HDDC3: variants seen among roughly 807,000 people sequenced by gnomAD.
HDDC3 encodes HD domain containing 3, also known as guanosine-3',5'-bis(diphosphate) 3'-pyrophosphohydrolase MESH1.
In HDDC3, 18 loss-of-function variants were observed where a neutral mutation model predicts 19.1. The observed-to-expected ratio is 0.94, with a 90% confidence interval of 0.65 to 1.40. HDDC3 has a LOEUF of 1.40. Among genes scored for constraint, HDDC3 ranks in the 40% most tolerant of loss-of-function variants. The pLI is 0.00. For synonymous variants in HDDC3, 107 were observed against 99.4 expected (o/e 1.08, Z -0.46); for missense variants, 250 against 228.9 (o/e 1.09, Z -0.59).
rs1488024232 is a variant in HDDC3, at chr15:90,931,775, G to A, written c.338C>T (p.Pro113Leu). The change falls in exon 3 of 4, where the codon CCC becomes CTC. Residue 113 changes from proline to leucine, a missense_variant. Coordinates refer to ENST00000394272, the MANE Select transcript of HDDC3 (RefSeq NM_001286451.2). Reference protein sequence around the residue: ...LQVEQAPHSSPGAKLVKLADK... With the variant: ...LQVEQAPHSSLGAKLVKLADK... Reference sequence around the variant, plus strand: ...TGCCAGCTTCACCAGTTTGGCCCCGGGGCTACTGTGGGGCGCTTGCTCCAC... The same window carrying A: ...TGCCAGCTTCACCAGTTTGGCCCCGAGGCTACTGTGGGGCGCTTGCTCCAC... The A allele has an allele frequency of 8.1e-6, 13 of 1,614,088 alleles. No individual in the cohort carries two copies. Among genetic ancestry groups the A allele is most frequent in the Non-Finnish European group, 1.1e-5 (13 of 1,180,024 alleles).
rs1037706296 is a variant in HDDC3, at chr15:90,930,261, G to T, written c.*1014C>A. 1.3e-5 allele frequency: 2 copies of T among 152,228 alleles called. No homozygotes were observed. The highest frequency in any genetic ancestry group is 4.8e-5 in the African/African-American group (2 of 41,470). The allele number at this position is 152,228 out of a possible 1,614,324, so 9.4% of individuals were successfully genotyped here. A position where few individuals can be genotyped will look rare whatever the true frequency, so the allele number is the denominator to read the frequency against. On this transcript the variant is annotated 3_prime_UTR_variant, in exon 4 of 4. Coordinates refer to ENST00000394272, the MANE Select transcript of HDDC3 (RefSeq NM_001286451.2). Reference sequence around the variant, plus strand: ...AGTTTCCCGCGCGGCTTGAGGTACTGGGGAACCGGAATCCCCCACCGGCCC... The same window carrying T: ...AGTTTCCCGCGCGGCTTGAGGTACTTGGGAACCGGAATCCCCCACCGGCCC...
rs2035757321 is a variant in HDDC3, at chr15:90,930,629, A to T, written c.*646T>A. 1 of 152,838 alleles carries T rather than the reference A, an allele frequency of 6.5e-6. No individual in the cohort carries two copies. The highest frequency in any genetic ancestry group is 2.0e-4 in the South Asian group (1 of 4,954). The allele number at this position is 152,838 out of a possible 1,614,324, so 9.5% of individuals were successfully genotyped here. ...AGTGATCCGCCCGCCTCGGTCTCCC[A>T]GAGTGCTGGGATTACAGGCGAGAGA... On this transcript the variant is annotated 3_prime_UTR_variant, in exon 4 of 4. Transcript: ENST00000394272.
rs1408249744 is a variant in HDDC3 at position 90,931,399 on chromosome 15, G to C, written c.416C>G (p.Ser139Ter). Reference sequence around the variant, plus strand: ...GAAGTATTCCTGGACTCGATGTTCTGACCATCCTGCATAAGAGTCGACAGA... The same window carrying C: ...GAAGTATTCCTGGACTCGATGTTCTCACCATCCTGCATAAGAGTCGACAGA... ...DLNRCTPEGW[S>*]EHRVQEYFEW... Residue 139 changes from serine to a stop codon, truncating the protein, a stop_gained, in exon 4 of 4, where the codon TCA becomes TGA. Transcript: ENST00000394272. LOFTEE classifies it high-confidence loss of function. 1.9e-6 allele frequency: 3 copies of C among 1,580,088 alleles called. No individual in the cohort carries two copies. In the Admixed American group the frequency reaches 5.5e-5, roughly 29 times the overall value.
Position 90,932,474 on chromosome 15 carries a change from G to T in HDDC3, c.67C>A (p.Arg23=). 7.6e-7 allele frequency: 1 copy of T among 1,323,230 alleles called. No homozygotes were observed. Among genetic ancestry groups the T allele is most frequent in the Non-Finnish European group, 9.6e-7 (1 of 1,037,388 alleles). The allele number at this position is 1,323,230 out of a possible 1,614,324, so 82.0% of individuals were successfully genotyped here. A position where few individuals can be genotyped will look rare whatever the true frequency, so the allele number is the denominator to read the frequency against. ...GGGGTCCCCTCGGGGTCCTTCCGCCGCTGCTGCCGGTGCTTGCGAGCCGCG... is the reference window on the plus strand; with the variant it reads ...GGGGTCCCCTCGGGGTCCTTCCGCCTCTGCTGCCGGTGCTTGCGAGCCGCG... The part of the protein sequence containing the change: ...DFAARKHRQQ[R]RKDPEGTPYI... The change falls in exon 1 of 4, where the codon CGG becomes AGG. Residue 23 remains arginine (R), a synonymous_variant. Transcript: ENST00000394272.
Position 90,931,163 on chromosome 15 carries a change from TAA to T in HDDC3, c.*110_*111del. 3.7e-6 allele frequency: 5 copies of T among 1,336,166 alleles called. No homozygotes were observed. The highest frequency in any genetic ancestry group is 4.9e-5 in the Admixed American group (2 of 40,994). The allele number at this position is 1,336,166 out of a possible 1,614,324, so 82.8% of individuals were successfully genotyped here. A position where few individuals can be genotyped will look rare whatever the true frequency, so the allele number is the denominator to read the frequency against. On this transcript the variant is annotated 3_prime_UTR_variant, in exon 4 of 4. Coordinates refer to ENST00000394272, the MANE Select transcript of HDDC3 (RefSeq NM_001286451.2). Reference sequence around the variant, plus strand: ...AAAATGCAAGTCTTTTTTTGGCCTCTAATATCTGGGAAGGATGGAGGGAGCTC... The same window carrying T: ...AAAATGCAAGTCTTTTTTTGGCCTCTTATCTGGGAAGGATGGAGGGAGCTC...
chr15:90,931,458 C>A, intron 3 of HDDC3, 53 bp from the exon 4 acceptor site: 3 of 1,613,852 alleles, frequency 1.9e-6, no homozygotes, highest in Non-Finnish European at 2.5e-6. Flanking sequence ...AAAGCACTGC[C>A]TTTTCCCCAC....
At chr15:90,932,008 C>T in intron 2 of HDDC3, 47 bp downstream of exon 2, 1 of 1,613,894 alleles carries the variant, frequency 6.2e-7, no homozygotes, top group Non-Finnish European at 8.5e-7. Context: ...CTGAATGGGG[C>T]CCCTAATCCC....
chr15:90,931,527 CT>C (rs2035790454), intron 3 of HDDC3, 122 bp from the exon 4 acceptor site: 3 of 1,614,210 alleles, frequency 1.9e-6, no homozygotes, highest in Non-Finnish European at 2.5e-6. Flanking sequence ...GTCCTGAAAA[CT>C]TCCCCTTGGC....
rs2035771059 is a variant in HDDC3, at chr15:90,931,053, G to A, written c.*222C>T. ...CAGACCCAAGACTTGGGGAGAGGCGGTGAGTGCATCAGAAATGGATGGGTA... is the reference window on the plus strand; with the variant it reads ...CAGACCCAAGACTTGGGGAGAGGCGATGAGTGCATCAGAAATGGATGGGTA... On this transcript the variant is annotated 3_prime_UTR_variant, in exon 4 of 4. Coordinates refer to ENST00000394272, the MANE Select transcript of HDDC3 (RefSeq NM_001286451.2). The A allele has an allele frequency of 3.7e-6, 2 of 543,300 alleles. No individual in the cohort carries two copies. The allele number at this position is 543,300 out of a possible 1,614,324, so 33.7% of individuals were successfully genotyped here.
Position 90,931,095 on chromosome 15 carries a change from C to G in HDDC3, c.*180G>C. 1 of 662,968 alleles carries G rather than the reference C, an allele frequency of 1.5e-6. No individual in the cohort carries two copies. Among genetic ancestry groups the G allele is most frequent in the Non-Finnish European group, 2.5e-6 (1 of 397,244 alleles). The allele number at this position is 662,968 out of a possible 1,614,324, so 41.1% of individuals were successfully genotyped here. On this transcript the variant is annotated 3_prime_UTR_variant, in exon 4 of 4. Coordinates refer to ENST00000394272, the MANE Select transcript of HDDC3 (RefSeq NM_001286451.2). ...GGATGGGTACATCTGATTCCCACCA[C>G]GCGGGGCTCAGCTTAGTTAGCAGGA...
At position 90,932,475 on chromosome 15, in the gene HDDC3, C is replaced by A; in HGVS notation, c.66G>T (p.Gln22His). The A allele has an allele frequency of 7.6e-7, 1 of 1,321,490 alleles. No homozygotes were observed. Among genetic ancestry groups the A allele is most frequent in the South Asian group, 2.2e-5 (1 of 45,100 alleles). The allele number at this position is 1,321,490 out of a possible 1,614,324, so 81.9% of individuals were successfully genotyped here. Residue 22 changes from glutamine (Q) to histidine (H), a missense_variant, in exon 1 of 4, where the codon CAG becomes CAT. Physicochemically the swap from Gln to His is conservative, Grantham distance 24. Transcript: ENST00000394272. The part of the protein sequence containing the change: ...ADFAARKHRQ[Q>H]RRKDPEGTPY... ...GGGTCCCCTCGGGGTCCTTCCGCCG[C>A]TGCTGCCGGTGCTTGCGAGCCGCGA... is the stretch of plus-strand genomic sequence containing the variant.
chr15:90,932,144 G>A (rs767812419), intron 1 of HDDC3, 34 bp from the exon 2 acceptor site: 3 of 1,566,080 alleles, frequency 1.9e-6, no homozygotes, highest in South Asian at 2.4e-5. Flanking sequence ...AAGTCAGGTC[G>A]GAGGTAGTCC....
At position 90,931,612 on chromosome 15, in the gene HDDC3, T is replaced by C. The variant is rs1290151230; in HGVS notation, c.409+92A>G. ...GTAGGATTAATTTGGGAATTAAGAATGCCCAGGGTTTTTCAGGGGAACTGA... is the reference window on the plus strand; with the variant it reads ...GTAGGATTAATTTGGGAATTAAGAACGCCCAGGGTTTTTCAGGGGAACTGA... On this transcript the variant is annotated intron_variant, in intron 3 of 3. Transcript: ENST00000394272. 3.1e-6 allele frequency: 5 copies of C among 1,614,044 alleles called. No homozygotes were observed. In the South Asian group the frequency reaches 5.5e-5, roughly 18 times the overall value.
rs996629730 is a variant in HDDC3, at chr15:90,931,999, T to C, written c.169-55A>G. The C allele has an allele frequency of 3.1e-6, 5 of 1,613,826 alleles. No homozygotes were observed. The African/African-American group carries it at 5.3e-5, about 17-fold the overall frequency. ...ATGTCAGCCAAGGGTTGCCCATTGC[T>C]GAATGGGGCCCCTAATCCCCATCCC... On this transcript the variant is annotated intron_variant, in intron 2 of 3. Transcript: ENST00000394272.
chr15:90,931,958 C>T lies in HDDC3; in HGVS notation c.169-14G>A. On this transcript the variant is annotated splice_polypyrimidine_tract_variant and intron_variant, in intron 2 of 3. Coordinates refer to ENST00000394272, the MANE Select transcript of HDDC3 (RefSeq NM_001286451.2). ...GAGCAGGGCCGCCTGGGGACAAGTT[C>T]CCACTCAGCCCTGAGATGTCAGCCA... The T allele has an allele frequency of 3.7e-6, 6 of 1,613,734 alleles. No individual in the cohort carries two copies. Among genetic ancestry groups the T allele is most frequent in the Non-Finnish European group, 5.1e-6 (6 of 1,179,860 alleles).
rs576731844 is a variant in HDDC3, at chr15:90,931,235, C to T, written c.*40G>A. 3.5e-4 allele frequency: 537 copies of T among 1,548,626 alleles called. 5 individuals carry two copies. The East Asian group carries it at 0.01, about 30-fold the overall frequency. On this transcript the variant is annotated 3_prime_UTR_variant, in exon 4 of 4. Transcript: ENST00000394272. The stretch of plus-strand genomic sequence containing the variant: ...GCGTATGAATCCTGTCCGGCCTGAA[C>T]GAGGCTGGAGTTGTGCCTCTGGATA...
At position 90,932,546 on chromosome 15, in the gene HDDC3, G is replaced by T; in HGVS notation, c.-6C>A. The T allele has an allele frequency of 1.6e-6, 2 of 1,253,930 alleles. No individual in the cohort carries two copies. Among genetic ancestry groups the T allele is most frequent in the Non-Finnish European group, 2.0e-6 (2 of 997,942 alleles). The allele number at this position is 1,253,930 out of a possible 1,614,324, so 77.7% of individuals were successfully genotyped here. ...TGCGCCGCCTCAGAGCCCATCGCGC[G>T]GATGGGGCCGACGACTGCGGCCGCA... On this transcript the variant is annotated 5_prime_UTR_variant, in exon 1 of 4. Transcript: ENST00000394272.
intron 2 of HDDC3, 36 bp from the exon 3 acceptor site, chr15:90,931,980 G>A: frequency 1.2e-6 from 2 of 1,613,834 alleles, no homozygotes. Context: ...TGAGATGTCA[G>A]CCAAGGGTTG....
rs1405461528 is a variant in HDDC3, at chr15:90,931,106, G to A, written c.*169C>T. On this transcript the variant is annotated 3_prime_UTR_variant, in exon 4 of 4. Coordinates refer to ENST00000394272, the MANE Select transcript of HDDC3 (RefSeq NM_001286451.2). ...TCTGATTCCCACCACGCGGGGCTCA[G>A]CTTAGTTAGCAGGAGACCTTCAGAC... 4 of 737,926 alleles carry A rather than the reference G, an allele frequency of 5.4e-6. No homozygotes were observed. The highest frequency in any genetic ancestry group is 8.7e-6 in the Non-Finnish European group (4 of 460,910). 45.7% of individuals were successfully genotyped at this position (737,926 alleles called of 1,614,324 possible). A position where few individuals can be genotyped will look rare whatever the true frequency, so the allele number is the denominator to read the frequency against.
Sources: allele counts gnomAD v4.1 joint callset, GRCh38; gene constraint gnomAD v4.1.1; transcripts MANE v1.5; gene names NCBI Gene and HGNC (gene_info 2026-07-23, HGNC 2026-07-21).